Variants in SRPX observed in about 807,000 individuals in gnomAD.
SRPX encodes sushi repeat containing protein X-linked.
Under a neutral mutation model 38.1 loss-of-function variants are expected in SRPX, and 24 were observed. The observed-to-expected ratio is 0.63, with a 90% CI of 0.46 to 0.89. The LOEUF (loss-of-function observed/expected upper bound fraction) is 0.89, where lower values mean the gene tolerates loss of function less well. SRPX is among the 40% of genes least tolerant of loss of function. SRPX has a pLI of 0.00. For synonymous variants in SRPX, 184 were observed against 153.8 expected, an observed-to-expected ratio of 1.20 and a Z score of -1.45; for missense variants, 416 against 377.8, an observed-to-expected ratio of 1.10 and a Z score of -0.84.
chrX:38,165,714 A>T (rs1371202633), intron 4 of SRPX, among the ~76,000 whole-genome samples: 1 of 112,070 alleles, frequency 8.9e-6, no homozygotes, highest in East Asian at 2.8e-4. Flanking sequence ...TATTATCAAC[A>T]TATTGCTTAA....
rs150571598 is a variant in SRPX, at chrX:38,153,484, A to G, written c.1211+978T>C. On this transcript the variant is annotated intron_variant, in intron 9 of 9. Transcript: ENST00000378533. ...GCTAAGGATATGTTTCTATCATATA[A>G]CCTCTCAAGGAATTTCTGTGCCTTC... Among the ~76,000 whole-genome samples the G allele has an allele frequency of 1.5e-3, 166 of 109,525 alleles. 1 individual carries two copies. The highest frequency in any genetic ancestry group is 5.1e-3 in the African/African-American group (153 of 30,199).
chrX:38,202,562 A>C (rs1939132275), intron 1 of SRPX, among the ~76,000 whole-genome samples: 1 of 112,355 alleles, frequency 8.9e-6, no homozygotes, highest in South Asian at 3.7e-4. Flanking sequence ...AACACAATGG[A>C]AACAATCAAA....
intron 1 of SRPX, among the ~76,000 whole-genome samples, chrX:38,218,875 T>C (rs1939460711): frequency 9.0e-6 from 1 of 111,519 alleles, no homozygotes; most frequent in Non-Finnish European, 1.9e-5. Context: ...AGAGACCCCA[T>C]TGAGCCATGC....
chrX:38,199,132 C>A (rs1435897490), intron 1 of SRPX, among the ~76,000 whole-genome samples: 1 of 111,878 alleles, frequency 8.9e-6, no homozygotes, highest in Non-Finnish European at 1.9e-5. Context: ...GTGGGCTGGG[C>A]GCAGTAGCTC....
chrX:38,193,163 CT>C (rs1938937737), intron 1 of SRPX, among the ~76,000 whole-genome samples: 1 of 110,865 alleles, frequency 9.0e-6, no homozygotes, highest in East Asian at 2.8e-4. Context: ...CAGGCACTGC[CT>C]TGGGTGATTT....
intron 1 of SRPX, among the ~76,000 whole-genome samples, chrX:38,196,566 A>T (rs1939003523): frequency 8.9e-6 from 1 of 112,112 alleles, no homozygotes; most frequent in African/African-American, 3.2e-5. Context: ...CCAGTGAAGG[A>T]AGAATTAAGA....
intron 4 of SRPX, among the ~76,000 whole-genome samples, chrX:38,169,582 G>T (rs903377741): frequency 8.9e-6 from 1 of 111,936 alleles, no homozygotes; most frequent in African/African-American, 3.2e-5. Flanking sequence ...GTGTTGTCTG[G>T]TCACTTTATT....
chrX:38,202,331 T>C (rs1217210037), intron 1 of SRPX, among the ~76,000 whole-genome samples: 1 of 111,152 alleles, frequency 9.0e-6, no homozygotes, highest in Non-Finnish European at 1.9e-5. Flanking sequence ...AACATTTCAG[T>C]CAATAGAGTT....
In SRPX at chrX:38,160,983, T is replaced by C. The variant is rs749043689; in HGVS notation, c.725A>G (p.Tyr242Cys). The C allele has an allele frequency of 1.7e-6, 2 of 1,208,732 alleles. No homozygotes were observed. The highest frequency in any genetic ancestry group is 3.5e-5 in the African/African-American group (2 of 56,987). ...AGTGCCCTTATTCTCAGCTCTGTCATAGACTGTGTACTGGATCTTGTGGTC... is the reference window on the plus strand; with the variant it reads ...AGTGCCCTTATTCTCAGCTCTGTCACAGACTGTGTACTGGATCTTGTGGTC... ...EGDHKIQYTV[Y>C]DRAENKGTCK... Residue 242 changes from tyrosine to cysteine, a missense_variant, in exon 6 of 10, where the codon TAT becomes TGT. Transcript: ENST00000378533.
intron 1 of SRPX, among the ~76,000 whole-genome samples, chrX:38,193,378 A>G (rs910856734): frequency 9.0e-6 from 1 of 111,729 alleles, no homozygotes; most frequent in African/African-American, 3.3e-5. Flanking sequence ...ACACAGCACA[A>G]TCAAACTGGG....
In SRPX at chrX:38,202,398, A is replaced by G. The variant is rs370892945; in HGVS notation, c.97+18298T>C. Among the ~76,000 whole-genome samples the G allele has an allele frequency of 5.4e-5, 6 of 111,676 alleles. No homozygotes were observed. The East Asian group carries it at 8.4e-4, about 16-fold the overall frequency. On this transcript the variant is annotated intron_variant, in intron 1 of 9. Coordinates refer to ENST00000378533, the MANE Select transcript of SRPX (RefSeq NM_006307.5). The stretch of plus-strand genomic sequence containing the variant: ...GGGATAAAACAGTTCTCAGAGGGGA[A>G]TTTACAGCATCAGATGTTTATATTA...
Position 38,174,302 on chromosome X carries a change from G to A in SRPX, c.207C>T (p.Cys69=). The change falls in exon 3 of 10, where the codon TGC becomes TGT. Residue 69 remains cysteine (C), a synonymous_variant. Transcript: ENST00000378533. ...TGTAGTATCCTCCTTGAGGGGCCCT[G>A]CAGTACACATCCCCATACTTCACCT... ...PIKVKYGDVY[C]RAPQGGYYKT... 3.6e-6 allele frequency: 4 copies of A among 1,114,725 alleles called. No individual in the cohort carries two copies. The highest frequency in any genetic ancestry group is 4.7e-6 in the Non-Finnish European group (4 of 847,299). 91.9% of individuals were successfully genotyped at this position (1,114,725 alleles called of 1,213,427 possible).
At chrX:38,155,481 G>A (rs1021331538) in intron 8 of SRPX, among the ~76,000 whole-genome samples, 2 of 112,237 alleles carry the variant, frequency 1.8e-5, no homozygotes, top group African/African-American at 3.2e-5. Flanking sequence ...CTAGAGCAAC[G>A]ATGGCAATCT....
At chrX:38,200,843 C>T (rs1460757143) in intron 1 of SRPX, among the ~76,000 whole-genome samples, 1 of 111,956 alleles carries the variant, frequency 8.9e-6, no homozygotes, top group Non-Finnish European at 1.9e-5. Flanking sequence ...ACATTCAAAC[C>T]ACAGTAAACA....
chrX:38,162,735 A>ACCTGGGAGGCGGAGGTT (rs1224034908), intron 5 of SRPX, among the ~76,000 whole-genome samples: 2 of 112,461 alleles, frequency 1.8e-5, no homozygotes, highest in Non-Finnish European at 3.8e-5. Flanking sequence ...AATCACTTGA[A>ACCTGGGAGGCGGAGGTT]CCTGGGAGGC....
chrX:38,219,466 C>T (rs1258263311), intron 1 of SRPX, among the ~76,000 whole-genome samples: 1 of 111,589 alleles, frequency 9.0e-6, no homozygotes, highest in Non-Finnish European at 1.9e-5. Flanking sequence ...ATAACAGTTG[C>T]CTGGCAGTAA....
chrX:38,217,566 T>G (rs140266356), intron 1 of SRPX, among the ~76,000 whole-genome samples: 141 of 112,199 alleles, frequency 1.3e-3, no homozygotes, highest in African/African-American at 4.4e-3. Flanking sequence ...GAGAACTTTT[T>G]ACTTGAGTGA....
In SRPX at chrX:38,160,006, G is replaced by A. The variant is rs376651738; in HGVS notation, c.955+11C>T. On this transcript the variant is annotated intron_variant, in intron 7 of 9. Transcript: ENST00000378533. ...AGGTTCTGCTGCAGGCTGGAGGGGC[G>A]GCATACCTACCTGCACAGGTGGGCT... is the stretch of plus-strand genomic sequence containing the variant. 184 of 1,203,538 alleles carry A rather than the reference G, an allele frequency of 1.5e-4. No homozygotes were observed. Among genetic ancestry groups the A allele is most frequent in the African/African-American group, 7.3e-4 (42 of 57,266 alleles).
intron 2 of SRPX, 40 bp downstream of exon 2, chrX:38,178,245 C>A (rs753931189): frequency 8.0e-6 from 9 of 1,118,322 alleles, no homozygotes; most frequent in Non-Finnish European, 2.4e-6. Context: ...GTTCTCCTGG[C>A]ACCAGCAGGT....
Sources: allele counts gnomAD v4.1 joint callset (sites outside exome capture counted in the v4.1 genomes callset), GRCh38; gene constraint gnomAD v4.1.1; transcripts MANE v1.5; gene names NCBI Gene and HGNC (gene_info 2026-07-23, HGNC 2026-07-21).